LTBP2: variants seen among roughly 807,000 people sequenced by gnomAD.
LTBP2 encodes the protein latent-transforming growth factor beta-binding protein 2.
In LTBP2, 103 loss-of-function variants were observed where a neutral mutation model predicts 210.6. The observed-to-expected ratio is 0.49, with a 90% CI of 0.42 to 0.58. The LOEUF (loss-of-function observed/expected upper bound fraction) is 0.58, where lower values mean the gene tolerates loss of function less well. Ranked by LOEUF, LTBP2 falls within the 20% of genes least tolerant of loss-of-function variation. The pLI is 0.00. For synonymous variants in LTBP2, 1,007 were observed against 1,015.0 expected (o/e 0.99, Z 0.15); for missense variants, 2,313 against 2,494.5 (o/e 0.93, Z 1.55).
Position 74,505,172 on chromosome 14 carries a change from G to T in LTBP2, c.4180C>A (p.Gln1394Lys). ...GHCRPRGAGG[Q>K]SMSEAPTGDH... is the part of the protein sequence containing the mutation. ...CCCGTTGGGGCCTCAGACATACTCTGACCTGTGCGTGACAGATGCTCATTA... is the reference window on the plus strand; with the variant it reads ...CCCGTTGGGGCCTCAGACATACTCTTACCTGTGCGTGACAGATGCTCATTA... The change falls in exon 29 of 36, where the codon CAG becomes AAG. Residue 1394 changes from glutamine to lysine, a missense_variant and splice_region_variant. This residue lies in a region of LTBP2 where 1,867 missense variants were observed against 1,976.9 expected (regional missense o/e 0.94). Coordinates refer to ENST00000261978, the MANE Select transcript of LTBP2 (RefSeq NM_000428.3). 6.2e-7 allele frequency: 1 copy of T among 1,612,580 alleles called. No homozygotes were observed. The highest frequency in any genetic ancestry group is 1.1e-5 in the South Asian group (1 of 91,056).
intron 2 of LTBP2, among the ~76,000 whole-genome samples, chr14:74,590,444 A>C (rs942331684): frequency 3.9e-5 from 6 of 152,212 alleles, no homozygotes; most frequent in Non-Finnish European, 8.8e-5. Context: ...TCTCTACTAA[A>C]AATACAAAAA....
intron 17 of LTBP2, among the ~76,000 whole-genome samples, chr14:74,519,245 G>C (rs1220230597): frequency 6.6e-6 from 1 of 152,134 alleles, no homozygotes; most frequent in East Asian, 1.9e-4. Context: ...AAGAAATGTA[G>C]ATAAGCTTAA....
intron 1 of LTBP2, 102 bp downstream of exon 1, chr14:74,611,349 G>A: frequency 3.1e-6 from 4 of 1,280,410 alleles, no homozygotes; most frequent in East Asian, 2.8e-5. Flanking sequence ...ACAGAGGGAC[G>A]AGGGTATGAG....
intron 2 of LTBP2, among the ~76,000 whole-genome samples, chr14:74,591,387 T>A (rs1211248035): frequency 2.0e-5 from 3 of 152,228 alleles, no homozygotes; most frequent in African/African-American, 7.2e-5. Flanking sequence ...AATAGCCTAG[T>A]AAATCAAGTT....
At chr14:74,503,435 C>T in intron 32 of LTBP2, 34 bp downstream of exon 32, 1 of 1,609,302 alleles carries the variant, frequency 6.2e-7, no homozygotes, top group Non-Finnish European at 8.5e-7. Flanking sequence ...CCCAGGTACC[C>T]TTCTCCTGCT....
intron 3 of LTBP2, among the ~76,000 whole-genome samples, chr14:74,573,687 C>G (rs1286740137): frequency 6.6e-6 from 1 of 152,214 alleles, no homozygotes; most frequent in Non-Finnish European, 1.5e-5. Context: ...ATTGTTTTCT[C>G]TTGACTCTGC....
At chr14:74,514,266 G>A in intron 18 of LTBP2, among the ~76,000 whole-genome samples, 1 of 152,224 alleles carries the variant, frequency 6.6e-6, no homozygotes. Flanking sequence ...TTTGAAGCCA[G>A]GAGCCATCTG....
chr14:74,502,837 A>C lies in LTBP2; in HGVS notation c.4986T>G (p.Asp1662Glu), dbSNP rs1302492405. The C allele has an allele frequency of 1.2e-6, 2 of 1,614,018 alleles. No individual in the cohort carries two copies. Among genetic ancestry groups the C allele is most frequent in the African/African-American group, 2.7e-5 (2 of 74,924 alleles). The change falls in exon 34 of 36, where the codon GAT becomes GAG. Residue 1662 changes from aspartate (D) to glutamate (E), a missense_variant. Around this residue, in one of 3 missense-constraint regions of LTBP2, gnomAD observed 443 missense variants for 501.4 expected, o/e 0.88. Transcript: ENST00000261978. ...RPGYEYGPGP[D>E]DLHYSIYGPD... is the part of the protein sequence containing the mutation. ...GGCCATAGATGCTGTAGTGCAGGTC[A>C]TCGGGCCCGGGGCCATACTCATAGC...
chr14:74,511,266 C>G lies in LTBP2; in HGVS notation c.3007G>C (p.Gly1003Arg). ...TCLACEEGYR[G>R]QSGSCVDVNE... ...TCACCTACACAGCTCCCACTCTGGC[C>G]CCGGTAGCCCTCCTCACAGGCCAGA... The change falls in exon 19 of 36, where the codon GGC (glycine) becomes CGC (arginine). Residue 1003 changes from glycine (G) to arginine (R), a missense_variant. Coordinates refer to ENST00000261978, the MANE Select transcript of LTBP2 (RefSeq NM_000428.3). 1.9e-6 allele frequency: 3 copies of G among 1,614,020 alleles called. No homozygotes were observed. The highest frequency in any genetic ancestry group is 2.5e-6 in the Non-Finnish European group (3 of 1,180,006).
At chr14:74,563,772 G>C (rs1004317632) in intron 3 of LTBP2, among the ~76,000 whole-genome samples, 1 of 151,786 alleles carries the variant, frequency 6.6e-6, no homozygotes, top group African/African-American at 2.4e-5. Context: ...AGTAGTTGCA[G>C]AAACCATATG....
chr14:74,553,141 C>T, intron 4 of LTBP2, 79 bp from the exon 5 acceptor site: 1 of 1,398,982 alleles, frequency 7.1e-7, no homozygotes, highest in Non-Finnish European at 1.0e-6. Flanking sequence ...TAGAAAGCCC[C>T]ATGGGACTAG....
At chr14:74,546,077 G>T (rs1270663149) in intron 8 of LTBP2, among the ~76,000 whole-genome samples, 1 of 152,200 alleles carries the variant, frequency 6.6e-6, no homozygotes, top group Non-Finnish European at 1.5e-5. Context: ...GCCAGAATGT[G>T]ACTGAAGGGA....
At chr14:74,574,251 G>C (rs2088025362) in intron 3 of LTBP2, among the ~76,000 whole-genome samples, 1 of 152,102 alleles carries the variant, frequency 6.6e-6, no homozygotes, top group Non-Finnish European at 1.5e-5. Flanking sequence ...CTGTTAAATA[G>C]AATGTCACCC....
At chr14:74,563,322 A>G (rs1052904519) in intron 3 of LTBP2, among the ~76,000 whole-genome samples, 1 of 152,188 alleles carries the variant, frequency 6.6e-6, no homozygotes, top group Admixed American at 6.5e-5. Context: ...GACACTCGTA[A>G]ATGTCCAAAA....
At chr14:74,564,255 A>T (rs865796434) in intron 3 of LTBP2, among the ~76,000 whole-genome samples, 16 of 26,906 alleles carry the variant, frequency 5.9e-4, no homozygotes, top group East Asian at 1.8e-3. Context: ...ATATATATTT[A>T]TATATATTTA....
chr14:74,559,221 T>C (rs1006658048), intron 3 of LTBP2, among the ~76,000 whole-genome samples: 1 of 152,048 alleles, frequency 6.6e-6, no homozygotes, highest in Non-Finnish European at 1.5e-5. Context: ...CAGAAAAAAG[T>C]GTTATTGCTG....
intron 12 of LTBP2, among the ~76,000 whole-genome samples, chr14:74,527,767 T>C (rs944639208): frequency 2.6e-5 from 4 of 152,202 alleles, no homozygotes; most frequent in African/African-American, 9.6e-5. Context: ...TGCAGCCCCC[T>C]GCCCTGGGCT....
chr14:74,530,034 C>G, intron 10 of LTBP2, among the ~76,000 whole-genome samples: 1 of 152,340 alleles, frequency 6.6e-6, no homozygotes. Flanking sequence ...TGGGCCTTAG[C>G]TTCTTCACGT....
intron 26 of LTBP2, 60 bp from the exon 27 acceptor site, chr14:74,506,883 G>GCA: frequency 6.3e-7 from 1 of 1,598,082 alleles, no homozygotes; most frequent in African/African-American, 1.3e-5. Flanking sequence ...GTGTGTGCGC[G>GCA]CGCGCGTGTG....
Sources: allele counts gnomAD v4.1 joint callset (sites outside exome capture counted in the v4.1 genomes callset), GRCh38; gene constraint gnomAD v4.1.1; regional missense constraint gnomAD v4.1.1; transcripts MANE v1.5; gene names NCBI Gene and HGNC (gene_info 2026-07-23, HGNC 2026-07-21).